COL25A1: variants seen among roughly 807,000 people sequenced by gnomAD.
COL25A1 encodes the protein collagen type XXV alpha 1 chain, also known as collagen alpha-1(XXV) chain.
A neutral mutation model predicts 128.4 loss-of-function variants in COL25A1; 103 were observed. The observed-to-expected ratio is 0.80, with a 90% CI of 0.68 to 0.94. COL25A1 has a LOEUF of 0.94. Among genes scored for constraint, COL25A1 ranks in the 40% least tolerant of loss-of-function variants. COL25A1 has a pLI of 0.00. For synonymous variants in COL25A1, 279 were observed against 277.2 expected, an observed-to-expected ratio of 1.01 and a Z score of -0.06; for missense variants, 745 against 840.0, an observed-to-expected ratio of 0.89 and a Z score of 1.40.
At chr4:108,945,207 T>G (rs911017926) in intron 8 of COL25A1, among the ~76,000 whole-genome samples, 8 of 152,250 alleles carry the variant, frequency 5.3e-5, no homozygotes, top group African/African-American at 1.9e-4. Flanking sequence ...TATTATAGGG[T>G]TTTAGCATTC....
At chr4:109,176,584 G>A (rs1774126621) in intron 3 of COL25A1, among the ~76,000 whole-genome samples, 1 of 152,122 alleles carries the variant, frequency 6.6e-6, no homozygotes, top group African/African-American at 2.4e-5. Flanking sequence ...GATAACCTAA[G>A]GGTGGTATAT....
At chr4:108,880,665 T>G (rs1740010319) in intron 19 of COL25A1, among the ~76,000 whole-genome samples, 2 of 152,190 alleles carry the variant, frequency 1.3e-5, no homozygotes, top group Non-Finnish European at 1.5e-5. Context: ...TCCCATCTTA[T>G]GAGGAAACTG....
At chr4:109,117,267 C>G (rs1034359952) in intron 3 of COL25A1, among the ~76,000 whole-genome samples, 1 of 151,868 alleles carries the variant, frequency 6.6e-6, no homozygotes, top group Non-Finnish European at 1.5e-5. Context: ...GAGAAAAACA[C>G]CTTATCTATT....
chr4:109,025,665 T>C (rs966486386), intron 5 of COL25A1, among the ~76,000 whole-genome samples: 7 of 152,146 alleles, frequency 4.6e-5, no homozygotes, highest in African/African-American at 1.7e-4. Context: ...TGTTTTAAAA[T>C]GAGGGAGGAG....
chr4:108,955,773 G>T (rs1392264201), intron 8 of COL25A1, among the ~76,000 whole-genome samples: 2 of 152,138 alleles, frequency 1.3e-5, no homozygotes, highest in African/African-American at 2.4e-5. Context: ...AATGTGAATA[G>T]TTGATAGAAG....
intron 6 of COL25A1, among the ~76,000 whole-genome samples, chr4:108,984,637 C>T (rs921004212): frequency 2.6e-5 from 4 of 152,354 alleles, no homozygotes; most frequent in South Asian, 2.1e-4. Flanking sequence ...GCCAGCCGGC[C>T]GCTCCGAAGT....
intron 3 of COL25A1, among the ~76,000 whole-genome samples, chr4:109,135,136 T>C (rs918091457): frequency 1.3e-5 from 2 of 150,288 alleles, no homozygotes; most frequent in African/African-American, 2.4e-5. Context: ...AAAAGTCCAA[T>C]AAGATCAGGT....
intron 3 of COL25A1, among the ~76,000 whole-genome samples, chr4:109,227,650 T>C (rs112826434): frequency 6.6e-5 from 10 of 151,926 alleles, no homozygotes; most frequent in African/African-American, 2.4e-4. Flanking sequence ...CATACACTTA[T>C]CACAGCCTTT....
At position 109,141,091 on chromosome 4, in the gene COL25A1, ATTTTGAGATATGTTCCATC is replaced by A. The variant is rs1432340021; in HGVS notation, c.368-90931_368-90913del. On this transcript the variant is annotated intron_variant, in intron 3 of 37. Coordinates refer to ENST00000399132, the MANE Select transcript of COL25A1 (RefSeq NM_198721.4). ...GGGTTTCTCATAAATAGCTCTAATT[ATTTTGAGATATGTTCCATC>A]AATACCTAGTTTATTGAGAGTTTTT... is the stretch of plus-strand genomic sequence containing the variant. Among the ~76,000 whole-genome samples the A allele has an allele frequency of 4.4e-4, 67 of 152,260 alleles. 1 individual carries two copies. In the East Asian group the frequency reaches 7.5e-3, roughly 17 times the overall value.
intron 19 of COL25A1, among the ~76,000 whole-genome samples, chr4:108,873,712 A>G (rs1170606733): frequency 6.6e-6 from 1 of 152,146 alleles, no homozygotes; most frequent in East Asian, 1.9e-4. Context: ...AAGTAACCCT[A>G]AATTTTCTCA....
chr4:109,057,366 C>T (rs1401681672), intron 3 of COL25A1, among the ~76,000 whole-genome samples: 4 of 146,172 alleles, frequency 2.7e-5, no homozygotes, highest in Admixed American at 6.9e-5. Flanking sequence ...CTCCTGAGTC[C>T]AAGCGATTCT....
intron 3 of COL25A1, among the ~76,000 whole-genome samples, chr4:109,189,862 T>A (rs1282376667): frequency 6.6e-6 from 1 of 152,172 alleles, no homozygotes; most frequent in Non-Finnish European, 1.5e-5. Flanking sequence ...GAAAGAGCTT[T>A]TTTACATTAA....
chr4:109,199,086 C>T (rs575469937), intron 3 of COL25A1, among the ~76,000 whole-genome samples: 1 of 152,252 alleles, frequency 6.6e-6, no homozygotes, highest in African/African-American at 2.4e-5. Flanking sequence ...CTATTTCCTC[C>T]TTAAAGCACT....
At chr4:109,170,456 AC>A (rs1408102474) in intron 3 of COL25A1, among the ~76,000 whole-genome samples, 3 of 152,128 alleles carry the variant, frequency 2.0e-5, no homozygotes, top group Admixed American at 1.3e-4. Flanking sequence ...GTGAACTCTT[AC>A]TGTCTATGAA....
At chr4:109,069,079 A>C (rs1762702418) in intron 3 of COL25A1, among the ~76,000 whole-genome samples, 1 of 152,012 alleles carries the variant, frequency 6.6e-6, no homozygotes, top group Admixed American at 6.5e-5. Flanking sequence ...ACCACTCTAT[A>C]AAATTCAAAT....
At chr4:108,878,693 A>G (rs1739746433) in intron 19 of COL25A1, among the ~76,000 whole-genome samples, 1 of 152,170 alleles carries the variant, frequency 6.6e-6, no homozygotes, top group African/African-American at 2.4e-5. Flanking sequence ...AATGAACTAT[A>G]ATAGCAGGTT....
intron 8 of COL25A1, among the ~76,000 whole-genome samples, chr4:108,948,199 G>T (rs1216125940): frequency 6.6e-6 from 1 of 152,114 alleles, no homozygotes; most frequent in Non-Finnish European, 1.5e-5. Context: ...AGAAAGAAAA[G>T]AATTTAAGAG....
chr4:109,256,122 T>TGTGTGTGTGTGTGTGTGTGTGTGTGTGTG (rs35464450), intron 3 of COL25A1, among the ~76,000 whole-genome samples: 3 of 113,344 alleles, frequency 2.6e-5, no homozygotes, highest in African/African-American at 1.3e-4. Flanking sequence ...GTGTGTGTGT[T>TGTGTGTGTGTGTGTGTGTGTGTGTGTGTG]TGAGTACAAA....
chr4:108,902,298 A>C (rs776839004), intron 13 of COL25A1, among the ~76,000 whole-genome samples: 2 of 151,956 alleles, frequency 1.3e-5, no homozygotes, highest in Non-Finnish European at 2.9e-5. Context: ...AATTCCTATG[A>C]GGTAGGTACT....
Sources: gnomAD v4.1 joint callset for allele counts (sites outside exome capture counted in the v4.1 genomes callset) on GRCh38, gnomAD v4.1.1 for gene constraint, MANE v1.5 for transcripts, NCBI Gene and HGNC (gene_info 2026-07-23, HGNC 2026-07-21) for gene names.